Variants in STK32A observed in about 807,000 individuals in gnomAD.
STK32A encodes the protein serine/threonine-protein kinase 32A.
STK32A carries 41 observed loss-of-function variants against 53.2 expected under a neutral mutation model. That is an observed-to-expected ratio of 0.77 (90% CI 0.60 to 1.00). The LOEUF (loss-of-function observed/expected upper bound fraction) is 1.00, where lower values mean the gene tolerates loss of function less well. Ranked by LOEUF, STK32A falls within the 50% of genes least tolerant of loss-of-function variation. STK32A has a pLI of 0.00. For synonymous variants in STK32A, 166 were observed against 162.8 expected (o/e 1.02, Z -0.15); for missense variants, 458 against 485.8 (o/e 0.94, Z 0.54).
Position 147,383,423 on chromosome 5 carries a change from T to C in STK32A, c.1033-18T>C. Reference sequence around the variant, plus strand: ...CTGCTAACTATACCTCTATTTTTTTTCTACGTTCACCTGGAAGACATGTCT... The same window carrying C: ...CTGCTAACTATACCTCTATTTTTTTCCTACGTTCACCTGGAAGACATGTCT... On this transcript the variant is annotated intron_variant, in intron 11 of 12. Coordinates refer to ENST00000397936, the MANE Select transcript of STK32A (RefSeq NM_001112724.2). The C allele has an allele frequency of 6.3e-7, 1 of 1,581,696 alleles. No individual in the cohort carries two copies. The highest frequency in any genetic ancestry group is 8.6e-7 in the Non-Finnish European group (1 of 1,162,456).
chr5:147,334,766 T>A (rs1032953052), intron 5 of STK32A, among the ~76,000 whole-genome samples: 1 of 152,180 alleles, frequency 6.6e-6, no homozygotes, highest in African/African-American at 2.4e-5. Context: ...AGCTTATCAG[T>A]TTCTCACTAT....
At chr5:147,246,201 A>G (rs949845943) in intron 2 of STK32A, among the ~76,000 whole-genome samples, 1 of 152,212 alleles carries the variant, frequency 6.6e-6, no homozygotes, top group Non-Finnish European at 1.5e-5. Context: ...ACAACCTAAC[A>G]TTTAGTAAAG....
chr5:147,337,293 C>T (rs1755182476), intron 5 of STK32A, among the ~76,000 whole-genome samples: 1 of 152,160 alleles, frequency 6.6e-6, no homozygotes, highest in Non-Finnish European at 1.5e-5. Flanking sequence ...TTATCACCCC[C>T]AAAATTCCAT....
At chr5:147,239,178 A>T (rs929891325) in intron 1 of STK32A, among the ~76,000 whole-genome samples, 1 of 152,202 alleles carries the variant, frequency 6.6e-6, no homozygotes, top group African/African-American at 2.4e-5. Flanking sequence ...TAAAAAAGAA[A>T]ATTTTTGTTG....
At chr5:147,331,070 A>G (rs539612954) in intron 5 of STK32A, among the ~76,000 whole-genome samples, 1 of 152,332 alleles carries the variant, frequency 6.6e-6, no homozygotes, top group Admixed American at 6.5e-5. Flanking sequence ...TTAGTCAATG[A>G]TCATTGAGTG....
chr5:147,328,365 T>C (rs1453558955), intron 5 of STK32A, among the ~76,000 whole-genome samples: 1 of 152,260 alleles, frequency 6.6e-6, no homozygotes, highest in Admixed American at 6.5e-5. Flanking sequence ...GAGTTTTATT[T>C]TGTGGATGTT....
chr5:147,286,243 G>A (rs1752330027), intron 4 of STK32A, among the ~76,000 whole-genome samples: 2 of 151,944 alleles, frequency 1.3e-5, no homozygotes, highest in Admixed American at 6.6e-5. Context: ...AAAGCAATGA[G>A]AATGATACAA....
chr5:147,308,723 A>G (rs1279271004), intron 4 of STK32A, among the ~76,000 whole-genome samples: 3 of 135,636 alleles, frequency 2.2e-5, no homozygotes, highest in Non-Finnish European at 4.9e-5. Flanking sequence ...CTAAGTCACT[A>G]GAAGTTTTTT....
chr5:147,261,716 T>A (rs182436610), intron 2 of STK32A, among the ~76,000 whole-genome samples: 1 of 152,336 alleles, frequency 6.6e-6, no homozygotes, highest in East Asian at 1.9e-4. Context: ...AGGAGTTTGG[T>A]TTAGAGCATA....
chr5:147,377,497 G>T (rs1285679176), intron 11 of STK32A, among the ~76,000 whole-genome samples: 1 of 151,850 alleles, frequency 6.6e-6, no homozygotes, highest in Admixed American at 6.6e-5. Context: ...TTTTTTTTCT[G>T]TTGCTATTGA....
chr5:147,378,222 G>A (rs1223455317), intron 11 of STK32A, among the ~76,000 whole-genome samples: 1 of 152,098 alleles, frequency 6.6e-6, no homozygotes, highest in African/African-American at 2.4e-5. Context: ...CACTGGACCT[G>A]AGTGAAGGGT....
chr5:147,368,004 C>T (rs1386246525), intron 8 of STK32A, among the ~76,000 whole-genome samples: 1 of 152,204 alleles, frequency 6.6e-6, no homozygotes, highest in African/African-American at 2.4e-5. Context: ...TTTTTATTTA[C>T]AGAAAAGTAT....
chr5:147,323,610 T>C (rs926328836), intron 4 of STK32A, among the ~76,000 whole-genome samples: 1 of 152,210 alleles, frequency 6.6e-6, no homozygotes, highest in African/African-American at 2.4e-5. Flanking sequence ...GTTTTATTGC[T>C]ACATGAATAA....
intron 2 of STK32A, among the ~76,000 whole-genome samples, chr5:147,274,720 A>G (rs1755178923): frequency 6.6e-6 from 1 of 152,166 alleles, no homozygotes; most frequent in South Asian, 2.1e-4. Context: ...CACATGACCC[A>G]TTTCATCTTC....
At chr5:147,302,138 T>C (rs1458405068) in intron 4 of STK32A, among the ~76,000 whole-genome samples, 1 of 152,202 alleles carries the variant, frequency 6.6e-6, no homozygotes, top group Non-Finnish European at 1.5e-5. Context: ...TTATTCTGCT[T>C]ATTACAAACA....
downstream of STK32A, chr5:147,391,331 T>G (rs910179418): frequency 6.6e-6 from 1 of 152,618 alleles, no homozygotes; most frequent in Non-Finnish European, 1.5e-5. Context: ...AACTTAGAAG[T>G]ACAAGAAATA....
At chr5:147,343,157 C>T in intron 6 of STK32A, 114 bp downstream of exon 6, 1 of 1,184,840 alleles carries the variant, frequency 8.4e-7, no homozygotes, top group South Asian at 1.2e-5. Flanking sequence ...TTCATTCGAG[C>T]TCTACTTACA....
intron 5 of STK32A, among the ~76,000 whole-genome samples, chr5:147,340,207 G>C (rs1218204895): frequency 6.6e-6 from 1 of 152,146 alleles, no homozygotes; most frequent in East Asian, 1.9e-4. Context: ...ATTTCTATCA[G>C]TGGGGTCTTT....
intron 11 of STK32A, among the ~76,000 whole-genome samples, chr5:147,379,490 G>A (rs771696812): frequency 5.3e-5 from 8 of 152,006 alleles, no homozygotes; most frequent in Non-Finnish European, 1.0e-4. Flanking sequence ...TGCATGTAAA[G>A]TGCTCCACAG....
Sources: gnomAD v4.1 joint callset for allele counts (sites outside exome capture counted in the v4.1 genomes callset) on GRCh38, gnomAD v4.1.1 for gene constraint, MANE v1.5 for transcripts, NCBI Gene and HGNC (gene_info 2026-07-23, HGNC 2026-07-21) for gene names.